Variants in ZNF618 observed in about 807,000 individuals in gnomAD.
ZNF618 encodes neural precursor cell expressed, developmentally down-regulated 10.
ZNF618 carries 34 observed loss-of-function variants against 103.0 expected under a neutral mutation model. The ratio of observed to expected loss-of-function variants is 0.33; its 90% CI spans 0.25 to 0.44. The LOEUF (loss-of-function observed/expected upper bound fraction) is 0.44, where lower values mean the gene tolerates loss of function less well. ZNF618 is among the 20% of genes least tolerant of loss of function. The probability of loss-of-function intolerance (pLI) is 1.00; values close to 1 mark genes in which losing one functional copy is unlikely to be tolerated. For synonymous variants in ZNF618, 551 were observed against 542.2 expected (o/e 1.02, Z -0.23); for missense variants, 1,059 against 1,295.4 (o/e 0.82, Z 2.80).
chr9:113,916,037 A>T (rs1303378959), intron 1 of ZNF618, among the ~76,000 whole-genome samples: 1 of 151,724 alleles, frequency 6.6e-6, no homozygotes, highest in Non-Finnish European at 1.5e-5. Flanking sequence ...CTTTGTGCTG[A>T]CAAAGGTGGG....
chr9:113,994,947 G>T (rs1409404485), intron 3 of ZNF618, among the ~76,000 whole-genome samples: 1 of 150,934 alleles, frequency 6.6e-6, no homozygotes, highest in Admixed American at 6.6e-5. Context: ...AAAAAAGGTG[G>T]CATTTTGGAA....
At chr9:114,014,071 A>T (rs899108597) in intron 9 of ZNF618, among the ~76,000 whole-genome samples, 3 of 152,226 alleles carry the variant, frequency 2.0e-5, no homozygotes, top group Non-Finnish European at 4.4e-5. Context: ...AATTGTCTAA[A>T]ACAATAGAGA....
At chr9:113,890,261 T>TA (rs1380419800) in intron 1 of ZNF618, among the ~76,000 whole-genome samples, 3 of 152,352 alleles carry the variant, frequency 2.0e-5, no homozygotes, top group African/African-American at 4.8e-5. Context: ...TTATTCTTTT[T>TA]AAAAAATCAC....
At chr9:113,973,919 T>C (rs369773507) in intron 2 of ZNF618, among the ~76,000 whole-genome samples, 7 of 152,120 alleles carry the variant, frequency 4.6e-5, no homozygotes, top group African/African-American at 1.4e-4. Flanking sequence ...GCCCAACAAG[T>C]GAACAGGATC....
At chr9:113,967,920 T>G (rs948622187) in intron 1 of ZNF618, among the ~76,000 whole-genome samples, 8 of 152,064 alleles carry the variant, frequency 5.3e-5, no homozygotes, top group African/African-American at 1.7e-4. Context: ...GGTGGAGATC[T>G]CGCCTTTTTT....
At chr9:113,879,841 A>G (rs1249593302) in intron 1 of ZNF618, among the ~76,000 whole-genome samples, 5 of 149,744 alleles carry the variant, frequency 3.3e-5, no homozygotes, top group African/African-American at 1.2e-4. Flanking sequence ...CCTGCTTTAT[A>G]GTTTGACTTT....
At chr9:114,001,034 G>A (rs1158324434) in intron 4 of ZNF618, among the ~76,000 whole-genome samples, 1 of 152,190 alleles carries the variant, frequency 6.6e-6, no homozygotes, top group Non-Finnish European at 1.5e-5. Flanking sequence ...GTTAGGAAGA[G>A]CAAGGCCTGG....
chr9:113,876,848 C>G (rs367783305), intron 1 of ZNF618, among the ~76,000 whole-genome samples: 1 of 151,198 alleles, frequency 6.6e-6, no homozygotes, highest in African/African-American at 2.4e-5. Context: ...TCTTTCCCCC[C>G]AGGTCCCCCA....
At chr9:113,969,525 C>T (rs1278489419) in intron 2 of ZNF618, among the ~76,000 whole-genome samples, 1 of 152,184 alleles carries the variant, frequency 6.6e-6, no homozygotes, top group Non-Finnish European at 1.5e-5. Context: ...AATCCATTGG[C>T]CTATGTGCTA....
chr9:113,978,732 G>A (rs1588215459), intron 2 of ZNF618, among the ~76,000 whole-genome samples: 1 of 152,162 alleles, frequency 6.6e-6, no homozygotes, highest in African/African-American at 2.4e-5. Context: ...CAGACCTGGT[G>A]GAATTTTGAT....
Position 114,049,213 on chromosome 9 carries a change from C to T in ZNF618, c.1911C>T (p.Ala637=). ...CCGGCATGTGCCTTCGCTGCTCAGC[C>T]TGTGCCTTGAACTCGGTGGTGCAGA... ...SKAGMCLRCS[A]CALNSVVQSV... is the part of the protein sequence containing the mutation. The change falls in exon 15 of 15, where the codon GCC becomes GCT. Residue 637 remains alanine (A), a synonymous_variant. Coordinates refer to ENST00000374126, the MANE Select transcript of ZNF618 (RefSeq NM_001318042.2). 1 of 1,613,608 alleles carries T rather than the reference C, an allele frequency of 6.2e-7. No homozygotes were observed. Among genetic ancestry groups the T allele is most frequent in the Non-Finnish European group, 8.5e-7 (1 of 1,179,808 alleles).
intron 1 of ZNF618, among the ~76,000 whole-genome samples, chr9:113,909,879 G>T (rs1831357143): frequency 6.6e-6 from 1 of 151,962 alleles, no homozygotes; most frequent in South Asian, 2.1e-4. Flanking sequence ...CTGCCTCCTG[G>T]GTTCAAGTGA....
rs753044592 is a variant in ZNF618, at chr9:113,951,536, TAC to T, written c.34-17579_34-17578del. 5.7e-3 allele frequency among the ~76,000 whole-genome samples: 440 copies of T among 76,894 alleles called. 95 individuals are homozygous for T. The highest frequency in any genetic ancestry group is 0.056 in the East Asian group (97 of 1,734). 50.4% of individuals were successfully genotyped at this position (76,894 alleles called of 152,430 possible). A position where few individuals can be genotyped will look rare whatever the true frequency, so the allele number is the denominator to read the frequency against. On this transcript the variant is annotated intron_variant, in intron 1 of 14. Transcript: ENST00000374126. ...GTGTGTATATGTACACATATGTGTG[TAC>T]ATATGTACACATATGTGTGTGTATA...
At position 114,028,822 on chromosome 9, in the gene ZNF618, G is replaced by A. The variant is rs1450342595; in HGVS notation, c.934G>A (p.Ala312Thr). Reference protein sequence around the residue: ...PEVSPSPRFVAAKTQTNQSGK... With the variant: ...PEVSPSPRFVTAKTQTNQSGK... ...GGTCTCCCCATCTCCACGCTTCGTG[G>A]CAGCGAAGACCCAGACGAACCAGTC... Residue 312 changes from alanine to threonine, a missense_variant, in exon 11 of 15, where the codon GCA becomes ACA. Physicochemically the swap from Ala to Thr is moderately conservative, Grantham distance 58 (BLOSUM62 0). Around this residue, in one of 6 missense-constraint regions of ZNF618, gnomAD observed 434 missense variants for 476.0 expected, o/e 0.91. Coordinates refer to ENST00000374126, the MANE Select transcript of ZNF618 (RefSeq NM_001318042.2). The A allele has an allele frequency of 6.4e-7, 1 of 1,550,642 alleles. No individual in the cohort carries two copies. Among genetic ancestry groups the A allele is most frequent in the South Asian group, 1.2e-5 (1 of 84,062 alleles).
chr9:114,033,467 G>A (rs540231895), intron 12 of ZNF618, among the ~76,000 whole-genome samples: 1 of 152,016 alleles, frequency 6.6e-6, no homozygotes, highest in East Asian at 1.9e-4. Flanking sequence ...TTTGGCCCTG[G>A]AGCCACTGGA....
At chr9:113,917,757 TA>T (rs1832260527) in intron 1 of ZNF618, among the ~76,000 whole-genome samples, 1 of 152,166 alleles carries the variant, frequency 6.6e-6, no homozygotes, top group Non-Finnish European at 1.5e-5. Context: ...ACACATTTTT[TA>T]AAAAACTTTG....
chr9:113,877,531 T>C (rs1828070665), intron 1 of ZNF618, among the ~76,000 whole-genome samples: 2 of 152,114 alleles, frequency 1.3e-5, no homozygotes, highest in South Asian at 4.1e-4. Flanking sequence ...TGTAGTTTTT[T>C]TTTTTTAATT....
chr9:113,928,358 G>C (rs1293478993), intron 1 of ZNF618, among the ~76,000 whole-genome samples: 1 of 152,042 alleles, frequency 6.6e-6, no homozygotes, highest in Non-Finnish European at 1.5e-5. Flanking sequence ...CATATTAATC[G>C]TAGTTATTTA....
intron 1 of ZNF618, among the ~76,000 whole-genome samples, chr9:113,900,727 C>G (rs35205384): frequency 6.0e-3 from 786 of 130,546 alleles, no homozygotes; most frequent in East Asian, 0.043. Flanking sequence ...AACCCGACCT[C>G]CTGTCTCCTA....
Sources: allele counts gnomAD v4.1 joint callset (sites outside exome capture counted in the v4.1 genomes callset), GRCh38; gene constraint gnomAD v4.1.1; regional missense constraint gnomAD v4.1.1; transcripts MANE v1.5; gene names NCBI Gene and HGNC (gene_info 2026-07-23, HGNC 2026-07-21).